The following HDAC4 variants were observed in gnomAD, a reference collection of about 807,000 sequenced individuals.
The protein encoded by HDAC4 is histone deacetylase A.
Under a neutral mutation model 135.1 loss-of-function variants are expected in HDAC4, and 16 were observed. The observed-to-expected ratio is 0.12, with a 90% CI of 0.08 to 0.18. HDAC4 has a LOEUF of 0.18. Among genes scored for constraint, HDAC4 ranks in the 10% least tolerant of loss-of-function variants. HDAC4 has a pLI of 1.00. For missense variants in HDAC4, 1,143 were observed against 1,511.8 expected (o/e 0.76, Z 4.05); for synonymous variants, 685 against 653.4 (o/e 1.05, Z -0.74).
intron 16 of HDAC4, among the ~76,000 whole-genome samples, chr2:239,099,992 G>A (rs931652087): frequency 7.2e-5 from 11 of 152,260 alleles, no homozygotes; most frequent in African/African-American, 2.4e-4. Context: ...GCAGTTTGGC[G>A]GGACACAAAC....
chr2:239,195,606 C>T (rs1480153127), intron 3 of HDAC4, among the ~76,000 whole-genome samples: 2 of 152,194 alleles, frequency 1.3e-5, no homozygotes, highest in African/African-American at 4.8e-5. Context: ...CCACGAGTTC[C>T]CAACAGAAGC....
In HDAC4 at chr2:239,111,627, A is replaced by C. The variant is rs767168354; in HGVS notation, c.1877T>G (p.Phe626Cys). The part of the protein sequence containing the change: ...SMEAAGIPVS[F>C]GGHRPLSRAQ... ...CCGGGACAGAGGCCTGTGGCCGCCG[A>C]AGGACACGGGGATGCCGGCGGCCTC... Residue 626 changes from phenylalanine (F) to cysteine (C), a missense_variant, in exon 14 of 27, where the codon TTC becomes TGC. By Grantham distance (205) the Phe-to-Cys change is radical. Around this residue, in one of 9 missense-constraint regions of HDAC4, gnomAD observed 196 missense variants for 210.7 expected, o/e 0.93. Transcript: ENST00000543185. The C allele has an allele frequency of 1.9e-6, 3 of 1,610,088 alleles. No individual in the cohort carries two copies. The highest frequency in any genetic ancestry group is 2.2e-5 in the East Asian group (1 of 44,764).
At chr2:239,153,870 C>T (rs997569993) in intron 7 of HDAC4, among the ~76,000 whole-genome samples, 16 of 152,228 alleles carry the variant, frequency 1.1e-4, no homozygotes, top group African/African-American at 3.1e-4. Context: ...AGAGATGGCG[C>T]GGGCCCTGCC....
At chr2:239,218,210 A>ATCATTATATT (rs2046751319) in intron 3 of HDAC4, among the ~76,000 whole-genome samples, 2 of 152,266 alleles carry the variant, frequency 1.3e-5, no homozygotes, top group Non-Finnish European at 2.9e-5. Flanking sequence ...AGATTGGATA[A>ATCATTATATT]AAAACAGGAC....
intron 4 of HDAC4, among the ~76,000 whole-genome samples, chr2:239,177,008 A>T (rs1388961418): frequency 2.0e-5 from 3 of 152,116 alleles, no homozygotes; most frequent in African/African-American, 7.2e-5. Flanking sequence ...ACGGAAGCAC[A>T]CCCACAAAAA....
intron 24 of HDAC4, among the ~76,000 whole-genome samples, chr2:239,058,400 A>C (rs562332115): frequency 1.3e-5 from 2 of 152,366 alleles, no homozygotes; most frequent in Admixed American, 1.3e-4. Context: ...GATCAAACTA[A>C]CAGCAAATGA....
chr2:239,065,188 T>C (rs1013171906), intron 24 of HDAC4, among the ~76,000 whole-genome samples: 5 of 152,134 alleles, frequency 3.3e-5, no homozygotes, highest in African/African-American at 1.2e-4. Flanking sequence ...CGCCCCACAA[T>C]GCCAGGCCAG....
chr2:239,364,028 C>T (rs545364585), intron 1 of HDAC4, among the ~76,000 whole-genome samples: 148 of 152,194 alleles, frequency 9.7e-4, no homozygotes, highest in Non-Finnish European at 1.7e-3. Flanking sequence ...ACTCCATACC[C>T]ACCAAAATGG....
chr2:239,296,087 G>A (rs536622335), intron 2 of HDAC4, among the ~76,000 whole-genome samples: 1 of 152,350 alleles, frequency 6.6e-6, no homozygotes, highest in Non-Finnish European at 1.5e-5. Flanking sequence ...GAGGCTCAGG[G>A]ATGGTCCAAA....
Position 239,141,535 on chromosome 2 carries a change from C to T in HDAC4, c.866-1739G>A, listed in dbSNP as rs562394521. On this transcript the variant is annotated intron_variant, in intron 8 of 26. Transcript: ENST00000543185. This position sits in a 1 kb window ranked among gnomAD's most constrained non-coding sequence, Gnocchi z 4.9. The stretch of plus-strand genomic sequence containing the variant: ...CTGTGAGTGGGCATTCTGAGAATGC[C>T]ACCTGGGCTGAGCCAGTGTTTGCAT... Among the ~76,000 whole-genome samples, 4 of 152,280 alleles carry T rather than the reference C, an allele frequency of 2.6e-5. No individual in the cohort carries two copies. Among genetic ancestry groups the T allele is most frequent in the South Asian group, 2.1e-4 (1 of 4,816 alleles).
chr2:239,231,629 AGGTGTCCTCCCC>A, intron 3 of HDAC4, among the ~76,000 whole-genome samples: 1 of 125,098 alleles, frequency 8.0e-6, no homozygotes, highest in East Asian at 3.4e-4. Context: ...TGCCTGAGGT[AGGTGTCCTCCCC>A]GAAGCACCCC....
intron 5 of HDAC4, among the ~76,000 whole-genome samples, chr2:239,169,454 A>G (rs1261122692): frequency 6.6e-6 from 1 of 152,190 alleles, no homozygotes; most frequent in Non-Finnish European, 1.5e-5. Flanking sequence ...TTGTCTACGG[A>G]AGGCAGCTTT....
At chr2:239,084,592 G>GAC (rs895512247) in intron 19 of HDAC4, among the ~76,000 whole-genome samples, 2 of 148,488 alleles carry the variant, frequency 1.3e-5, no homozygotes, top group African/African-American at 5.0e-5. Flanking sequence ...CACAGACAGA[G>GAC]ACACACACAC....
chr2:239,352,353 G>A lies in HDAC4; in HGVS notation c.22+325C>T, dbSNP rs553615184. On this transcript the variant is annotated intron_variant, in intron 2 of 26. Transcript: ENST00000543185. The surrounding 1 kb of genome is among the most constrained non-coding windows in gnomAD (Gnocchi z 4.4). ...ATGAAACAACAAAGACACTGGGCAA[G>A]AAACCAGCTCTCCACATCACAACCT... Among the ~76,000 whole-genome samples, 1 of 152,046 alleles carries A rather than the reference G, an allele frequency of 6.6e-6. No individual in the cohort carries two copies. Among genetic ancestry groups the A allele is most frequent in the Non-Finnish European group, 1.5e-5 (1 of 67,984 alleles).
intron 2 of HDAC4, among the ~76,000 whole-genome samples, chr2:239,286,119 T>C (rs2051121793): frequency 6.6e-6 from 1 of 152,266 alleles, no homozygotes; most frequent in Non-Finnish European, 1.5e-5. Context: ...CTTTATTCAC[T>C]ATCATTTTCC....
intron 2 of HDAC4, among the ~76,000 whole-genome samples, chr2:239,275,323 T>C (rs79076415): frequency 1.3e-3 from 205 of 152,364 alleles, no homozygotes; most frequent in African/African-American, 4.5e-3. Flanking sequence ...TGTGGTTTGA[T>C]TGACGCAAAT....
chr2:239,347,972 G>A (rs1692834366), intron 2 of HDAC4, among the ~76,000 whole-genome samples: 2 of 147,458 alleles, frequency 1.4e-5, no homozygotes, highest in Admixed American at 1.4e-4. Context: ...CCACGTCCCA[G>A]CAAATGCACT....
chr2:239,277,455 C>G (rs1009207601), intron 2 of HDAC4, among the ~76,000 whole-genome samples: 5 of 152,218 alleles, frequency 3.3e-5, no homozygotes, highest in African/African-American at 1.2e-4. Flanking sequence ...ACGGGCCGGT[C>G]AGCAGGAAGG....
chr2:239,246,567 G>A (rs1402738684), intron 2 of HDAC4, among the ~76,000 whole-genome samples: 3 of 152,194 alleles, frequency 2.0e-5, no homozygotes, highest in Non-Finnish European at 4.4e-5. Flanking sequence ...AGGAGTGAAA[G>A]CAAGCCGCTC....
Sources: gnomAD v4.1 joint callset for allele counts (sites outside exome capture counted in the v4.1 genomes callset) on GRCh38, gnomAD v4.1.1 for gene constraint, gnomAD v4.1.1 regional missense constraint, Gnocchi (gnomAD v3.1) non-coding constraint, MANE v1.5 for transcripts, NCBI Gene and HGNC (gene_info 2026-07-23, HGNC 2026-07-21) for gene names.